Variants in PCSK2 observed in about 807,000 individuals in gnomAD.
The protein encoded by PCSK2 is neuroendocrine convertase 2.
In PCSK2, 14 loss-of-function variants were observed where a neutral mutation model predicts 69.7. The observed-to-expected ratio is 0.20, with a 90% CI of 0.13 to 0.31. PCSK2 has a LOEUF of 0.31. Ranked by LOEUF, PCSK2 falls within the 10% of genes least tolerant of loss-of-function variation. The pLI is 1.00. For synonymous variants in PCSK2, 307 were observed against 320.7 expected (o/e 0.96, Z 0.46); for missense variants, 544 against 842.5 (o/e 0.65, Z 4.39).
chr20:17,469,778 C>T (rs1180567414), intron 11 of PCSK2, among the ~76,000 whole-genome samples: 2 of 151,842 alleles, frequency 1.3e-5, no homozygotes, highest in East Asian at 3.9e-4. Context: ...AAATGTCATC[C>T]AGCTACTAAG....
intron 2 of PCSK2, among the ~76,000 whole-genome samples, chr20:17,317,451 C>T (rs1489855968): frequency 6.6e-6 from 1 of 152,214 alleles, no homozygotes; most frequent in Non-Finnish European, 1.5e-5. Context: ...GCATAATTTC[C>T]TGCCATTTCC....
At chr20:17,317,196 T>C (rs1651696816) in intron 2 of PCSK2, among the ~76,000 whole-genome samples, 1 of 152,166 alleles carries the variant, frequency 6.6e-6, no homozygotes, top group Admixed American at 6.5e-5. Context: ...TCCCAAACTC[T>C]CCCTAATAAA....
At chr20:17,451,547 TAGG>T (rs1382644808) in intron 8 of PCSK2, among the ~76,000 whole-genome samples, 1 of 152,128 alleles carries the variant, frequency 6.6e-6, no homozygotes, top group Non-Finnish European at 1.5e-5. Context: ...TCAGAGAACA[TAGG>T]AGTTCTTGGG....
chr20:17,279,787 CAAAAA>C (rs1180147919), intron 2 of PCSK2, among the ~76,000 whole-genome samples: 1 of 68,094 alleles, frequency 1.5e-5, no homozygotes, highest in Non-Finnish European at 3.2e-5. Context: ...AACTCCGTCT[CAAAAA>C]AAAAAAAAAA....
At chr20:17,382,226 G>A (rs6044768) in intron 5 of PCSK2, among the ~76,000 whole-genome samples, 1 of 152,200 alleles carries the variant, frequency 6.6e-6, no homozygotes, top group Non-Finnish European at 1.5e-5. Flanking sequence ...TGGAATAGCA[G>A]GAGTGTTAGT....
intron 1 of PCSK2, among the ~76,000 whole-genome samples, chr20:17,257,106 G>T (rs1987204347): frequency 6.6e-6 from 1 of 151,988 alleles, no homozygotes; most frequent in Non-Finnish European, 1.5e-5. Flanking sequence ...CAAGGAGTGG[G>T]CAAAGGATAT....
intron 5 of PCSK2, among the ~76,000 whole-genome samples, chr20:17,377,338 T>C (rs780326062): frequency 2.3e-4 from 35 of 152,222 alleles, no homozygotes; most frequent in Non-Finnish European, 4.6e-4. Flanking sequence ...ATTCTTTAGA[T>C]GGGTCCTGAC....
At chr20:17,296,037 C>T (rs957429892) in intron 2 of PCSK2, among the ~76,000 whole-genome samples, 1 of 152,154 alleles carries the variant, frequency 6.6e-6, no homozygotes, top group Non-Finnish European at 1.5e-5. Context: ...GTTCCATAAC[C>T]TCAGAGGGTG....
intron 11 of PCSK2, among the ~76,000 whole-genome samples, chr20:17,470,119 A>G (rs2033175191): frequency 6.6e-6 from 1 of 152,226 alleles, no homozygotes; most frequent in Admixed American, 6.5e-5. Context: ...CCCAAAGTCA[A>G]CATGAAATGG....
rs943478401 is a variant in PCSK2, at chr20:17,432,547, G to A, written c.709+3024G>A. Among the ~76,000 whole-genome samples the A allele has an allele frequency of 1.9e-3, 287 of 151,946 alleles. 6 individuals carry two copies. The highest frequency in any genetic ancestry group is 1.8e-4 in the Non-Finnish European group (12 of 67,950). ...TTCAAGTAACTGTCTTTTTTAAAAAGGACCCCATTCTTTCCTTCTTTCTTT... is the reference window on the plus strand; with the variant it reads ...TTCAAGTAACTGTCTTTTTTAAAAAAGACCCCATTCTTTCCTTCTTTCTTT... On this transcript the variant is annotated intron_variant, in intron 7 of 11. Transcript: ENST00000262545.
At chr20:17,442,693 G>A (rs1247678679) in intron 8 of PCSK2, among the ~76,000 whole-genome samples, 3 of 152,228 alleles carry the variant, frequency 2.0e-5, no homozygotes, top group Non-Finnish European at 4.4e-5. Context: ...GTTAGGGAGA[G>A]TGCTGTGCTG....
chr20:17,282,618 G>A (rs1988356864), intron 2 of PCSK2, among the ~76,000 whole-genome samples: 1 of 151,756 alleles, frequency 6.6e-6, no homozygotes, highest in African/African-American at 2.4e-5. Flanking sequence ...AATCTCCAAA[G>A]GAGGCCTAAA....
At chr20:17,255,044 T>C (rs1162741021) in intron 1 of PCSK2, among the ~76,000 whole-genome samples, 1 of 152,248 alleles carries the variant, frequency 6.6e-6, no homozygotes, top group Non-Finnish European at 1.5e-5. Context: ...CTGACTCTTT[T>C]GTCAATTCTA....
chr20:17,377,546 A>G (rs1410212938), intron 5 of PCSK2, among the ~76,000 whole-genome samples: 1 of 152,248 alleles, frequency 6.6e-6, no homozygotes, highest in Non-Finnish European at 1.5e-5. Flanking sequence ...GATCACATAC[A>G]TTGCTTCTGG....
intron 6 of PCSK2, among the ~76,000 whole-genome samples, chr20:17,428,679 C>A (rs1421486090): frequency 2.0e-5 from 3 of 152,076 alleles, no homozygotes; most frequent in Admixed American, 2.0e-4. Flanking sequence ...CCATTTGATT[C>A]AGTAGTTGTT....
At chr20:17,248,177 T>G (rs117394621) in intron 1 of PCSK2, among the ~76,000 whole-genome samples, 1 of 35,568 alleles carries the variant, frequency 2.8e-5, no homozygotes, top group African/African-American at 9.8e-5. Context: ...TAAAAAAGGG[T>G]GTGTGTGTGT....
chr20:17,230,060 T>G (rs1056571187), intron 1 of PCSK2, among the ~76,000 whole-genome samples: 1 of 152,236 alleles, frequency 6.6e-6, no homozygotes, highest in Non-Finnish European at 1.5e-5. Flanking sequence ...GAAGGAAACT[T>G]CCTTGTCTGT....
At chr20:17,302,630 A>C (rs1989123516) in intron 2 of PCSK2, among the ~76,000 whole-genome samples, 1 of 152,200 alleles carries the variant, frequency 6.6e-6, no homozygotes, top group Non-Finnish European at 1.5e-5. Context: ...GAAACAGTGG[A>C]GCTATTCTCT....
intron 1 of PCSK2, among the ~76,000 whole-genome samples, chr20:17,244,178 T>G (rs747585045): frequency 6.6e-6 from 1 of 152,192 alleles, no homozygotes; most frequent in Non-Finnish European, 1.5e-5. Context: ...TGCAGTAAAA[T>G]GTTAACAATT....
Sources: gnomAD v4.1 joint callset for allele counts (sites outside exome capture counted in the v4.1 genomes callset) on GRCh38, gnomAD v4.1.1 for gene constraint, MANE v1.5 for transcripts, NCBI Gene and HGNC (gene_info 2026-07-23, HGNC 2026-07-21) for gene names.